The following AUTS2 variants were observed in gnomAD, a reference collection of about 807,000 sequenced individuals.
The protein encoded by AUTS2 is autism susceptibility gene 2 protein.
Under a neutral mutation model 112.4 loss-of-function variants are expected in AUTS2, and 17 were observed. The ratio of observed to expected loss-of-function variants is 0.15; its 90% confidence interval spans 0.10 to 0.23. AUTS2 has a LOEUF of 0.23. Ranked by LOEUF, AUTS2 falls within the 10% of genes least tolerant of loss-of-function variation. AUTS2 has a pLI of 1.00. For synonymous variants in AUTS2, 751 were observed against 702.7 expected (o/e 1.07, Z -1.09); for missense variants, 1,510 against 1,701.6 (o/e 0.89, Z 1.98).
chr7:70,328,574 A>C (rs971980655), intron 4 of AUTS2, among the ~76,000 whole-genome samples: 1 of 152,158 alleles, frequency 6.6e-6, no homozygotes, highest in South Asian at 2.1e-4. Flanking sequence ...AATCACTTGA[A>C]TAACTTTTTG....
chr7:70,085,820 C>A (rs1229359037), intron 2 of AUTS2, among the ~76,000 whole-genome samples: 2 of 152,024 alleles, frequency 1.3e-5, no homozygotes, highest in African/African-American at 2.4e-5. Context: ...ATTTGTCTGT[C>A]TTGAGGTTGC....
intron 1 of AUTS2, among the ~76,000 whole-genome samples, chr7:69,725,980 T>C (rs1311439996): frequency 3.3e-5 from 5 of 152,138 alleles, no homozygotes; most frequent in East Asian, 1.9e-4. Context: ...TTATTTTTTT[T>C]CCCCTCTAAT....
At chr7:70,421,389 C>A in intron 4 of AUTS2, among the ~76,000 whole-genome samples, 1 of 150,434 alleles carries the variant, frequency 6.6e-6, no homozygotes, top group East Asian at 2.0e-4. Flanking sequence ...GCATTTTCAA[C>A]ACAAAGAGAT....
intron 1 of AUTS2, among the ~76,000 whole-genome samples, chr7:69,772,095 C>CT (rs140438031): frequency 0.079 from 11,957 of 152,018 alleles, 670 homozygotes; most frequent in Non-Finnish European, 0.12. Flanking sequence ...CGTGACCTGA[C>CT]TTTTTTTACT....
chr7:70,673,633 C>T (rs1807759359), intron 5 of AUTS2, among the ~76,000 whole-genome samples: 1 of 152,160 alleles, frequency 6.6e-6, no homozygotes, highest in African/African-American at 2.4e-5. Flanking sequence ...GCCTTGGCCT[C>T]TCAAGGTGCT....
chr7:69,749,576 A>G (rs1274523685), intron 1 of AUTS2, among the ~76,000 whole-genome samples: 1 of 152,094 alleles, frequency 6.6e-6, no homozygotes, highest in South Asian at 2.1e-4. Context: ...TTTCCCTTCC[A>G]GAGTATTTGT....
At chr7:70,001,328 G>A (rs12698833) in intron 2 of AUTS2, among the ~76,000 whole-genome samples, 19,233 of 152,058 alleles carry the variant, frequency 0.13, 1,277 homozygotes, top group South Asian at 0.19. Flanking sequence ...GAATCATCAT[G>A]TTGTCCAGGC....
intron 5 of AUTS2, among the ~76,000 whole-genome samples, chr7:70,590,797 T>C (rs1256858479): frequency 1.3e-5 from 2 of 152,232 alleles, no homozygotes; most frequent in Non-Finnish European, 2.9e-5. Flanking sequence ...CGTGTAGTTG[T>C]GAATGGAAAA....
chr7:70,570,554 C>G (rs1801895164), intron 5 of AUTS2, among the ~76,000 whole-genome samples: 1 of 152,072 alleles, frequency 6.6e-6, no homozygotes, highest in Admixed American at 6.6e-5. Context: ...ACCATCTGAC[C>G]AGCCTCCTCT....
intron 1 of AUTS2, among the ~76,000 whole-genome samples, chr7:69,871,456 A>G (rs1306521507): frequency 6.6e-6 from 1 of 152,186 alleles, no homozygotes; most frequent in Non-Finnish European, 1.5e-5. Flanking sequence ...CCCTGTATAT[A>G]CTATGCTTTT....
intron 1 of AUTS2, among the ~76,000 whole-genome samples, chr7:69,715,227 T>TTA (rs1400341021): frequency 7.7e-6 from 1 of 129,430 alleles, no homozygotes; most frequent in Non-Finnish European, 1.6e-5. Context: ...CAGGCATAAG[T>TTA]AAAAAAAAAA....
At chr7:69,706,661 A>G (rs199997918) in intron 1 of AUTS2, among the ~76,000 whole-genome samples, 1 of 152,090 alleles carries the variant, frequency 6.6e-6, no homozygotes, top group African/African-American at 2.4e-5. Flanking sequence ...TTAATTCCCA[A>G]ACTTCTCTCC....
At chr7:69,692,608 T>C (rs1797396972) in intron 1 of AUTS2, among the ~76,000 whole-genome samples, 1 of 152,256 alleles carries the variant, frequency 6.6e-6, no homozygotes, top group Non-Finnish European at 1.5e-5. Context: ...TGCTCAACTT[T>C]TCCTGAGGGG....
intron 5 of AUTS2, among the ~76,000 whole-genome samples, chr7:70,468,841 C>T (rs1254592859): frequency 6.6e-6 from 1 of 152,054 alleles, no homozygotes; most frequent in Non-Finnish European, 1.5e-5. Flanking sequence ...AGTCTTACTC[C>T]CTCTTCTCAA....
chr7:70,690,866 C>T (rs1808718757), intron 5 of AUTS2, among the ~76,000 whole-genome samples: 1 of 152,064 alleles, frequency 6.6e-6, no homozygotes, highest in African/African-American at 2.4e-5. Flanking sequence ...AAGGCTGAGG[C>T]GGGAGGATTG....
chr7:70,038,497 A>G (rs77853798), intron 2 of AUTS2, among the ~76,000 whole-genome samples: 56 of 152,166 alleles, frequency 3.7e-4, no homozygotes, highest in South Asian at 2.1e-4. Context: ...CTCTTACCTA[A>G]CTACGCAAAT....
chr7:70,059,435 TA>T (rs774268822), intron 2 of AUTS2, among the ~76,000 whole-genome samples: 2 of 152,198 alleles, frequency 1.3e-5, no homozygotes, highest in East Asian at 3.8e-4. Context: ...TTTTGTCAAT[TA>T]TGGGAAAAAG....
intron 1 of AUTS2, among the ~76,000 whole-genome samples, chr7:69,614,522 A>AT (rs1013241848): frequency 6.3e-4 from 95 of 149,928 alleles, no homozygotes; most frequent in Admixed American, 1.0e-3. Flanking sequence ...TAATTTTTTA[A>AT]TTTTTTTTTG....
At chr7:70,298,887 C>T (rs1789068261) in intron 4 of AUTS2, among the ~76,000 whole-genome samples, 2 of 152,218 alleles carry the variant, frequency 1.3e-5, no homozygotes, top group Admixed American at 1.3e-4. Flanking sequence ...CAGACAGCTC[C>T]ACGTTGCTGT....
Sources: gnomAD v4.1 joint callset for allele counts (sites outside exome capture counted in the v4.1 genomes callset) on GRCh38, gnomAD v4.1.1 for gene constraint, MANE v1.5 for transcripts, NCBI Gene and HGNC (gene_info 2026-07-23, HGNC 2026-07-21) for gene names.